PDLIM2: variants seen among roughly 807,000 people sequenced by gnomAD.
PDLIM2 encodes the protein PDZ and LIM domain 2, also known as PDZ and LIM domain protein 2.
PDLIM2 carries 51 observed loss-of-function variants against 54.1 expected under a neutral mutation model. The observed-to-expected ratio is 0.94, with a 90% CI of 0.75 to 1.19. The LOEUF (loss-of-function observed/expected upper bound fraction) is 1.19. PDLIM2 is among the 50% of genes most tolerant of loss of function. PDLIM2 has a pLI of 0.00. For missense variants in PDLIM2, 912 were observed against 874.0 expected (o/e 1.04, Z -0.55); for synonymous variants, 398 against 385.6 (o/e 1.03, Z -0.38).
downstream of PDLIM2, chr8:22,594,732 C>T (rs1800646546): frequency 6.6e-7 from 1 of 1,516,260 alleles, no homozygotes; most frequent in African/African-American, 1.4e-5. Context: ...CCTTCCACTT[C>T]TTTCCTGGGA....
In PDLIM2 at chr8:22,581,299, G is replaced by T. The variant is rs1408448102; in HGVS notation, c.844-80G>T. ...GCCGGCCTGGGTCAAGCCAGCCTCT[G>T]TGTTTCTTGGGTAGCAGAGTGGGAA... On this transcript the variant is annotated intron_variant, in intron 2 of 9. Coordinates refer to ENST00000308354, the Ensembl canonical transcript of PDLIM2. The T allele has an allele frequency of 2.6e-6, 4 of 1,516,996 alleles. No individual in the cohort carries two copies. In the African/African-American group the frequency reaches 5.5e-5, roughly 21 times the overall value. The allele number at this position is 1,516,996 out of a possible 1,614,324, so 94.0% of individuals were successfully genotyped here.
chr8:22,585,492 C>T (rs1451092420), intron 6 of PDLIM2, 93 bp downstream of exon 5: 3 of 1,271,252 alleles, frequency 2.4e-6, no homozygotes, highest in Non-Finnish European at 3.3e-6. Context: ...GCGGCCAGGC[C>T]CACCTGGGCA....
At chr8:22,584,702 C>G in intron 3 of PDLIM2, 119 bp from the exon 3 acceptor site, 1 of 932,816 alleles carries the variant, frequency 1.1e-6, no homozygotes, top group Middle Eastern at 2.2e-4. Context: ...ACCGGATGTC[C>G]AAATTTTCTG....
exon 1 of PDLIM2, chr8:22,578,848 G>A: frequency 8.1e-7 from 1 of 1,234,608 alleles, no homozygotes; most frequent in Non-Finnish European, 1.0e-6. Flanking sequence ...CGTCTGCGAA[G>A]TGGGGCGCGG....
chr8:22,584,982 C>T lies in PDLIM2; in HGVS notation c.1066-35C>T, dbSNP rs373214635. 4.8e-4 allele frequency: 779 copies of T among 1,613,106 alleles called. 3 individuals are homozygous for T. Among genetic ancestry groups the T allele is most frequent in the Non-Finnish European group, 4.4e-5 (52 of 1,179,568 alleles). ...GGGCAGGGCGGCCTTGGCGGGGCAG[C>T]CCTGCCTTTCCTGACACAGTCACTC... On this transcript the variant is annotated intron_variant, in intron 4 of 9. Coordinates refer to ENST00000308354, the Ensembl canonical transcript of PDLIM2.
exon 8 of PDLIM2, chr8:22,589,686 C>A: frequency 6.3e-7 from 1 of 1,575,392 alleles, no homozygotes; most frequent in Non-Finnish European, 8.6e-7. Flanking sequence ...GGGCGGCCCC[C>A]CGACAGTCCA....
chr8:22,580,936 C>T, intron 2 of PDLIM2: 1 of 686,258 alleles, frequency 1.5e-6, no homozygotes, highest in East Asian at 2.9e-5. Flanking sequence ...CTCTTGCCTC[C>T]CCAGTTGCTA....
intron 2 of PDLIM2, chr8:22,580,959 C>G (rs956845570): frequency 1.5e-6 from 1 of 673,098 alleles, no homozygotes; most frequent in African/African-American, 1.8e-5. Context: ...CCCACACTTG[C>G]AGGCAGCCAT....
At chr8:22,585,918 A>C (rs918632993) in intron 6 of PDLIM2, among the ~76,000 whole-genome samples, 1 of 146,474 alleles carries the variant, frequency 6.8e-6, no homozygotes, top group South Asian at 2.2e-4. Context: ...TCCTCCCCCT[A>C]CCCCCGCCAG....
Position 22,589,389 on chromosome 8 carries a change from CG to C in PDLIM2, c.1367+17del, listed in dbSNP as rs907497988. On this transcript the variant is annotated intron_variant, in intron 7 of 9. Coordinates refer to ENST00000308354, the Ensembl canonical transcript of PDLIM2. ...TCCAGGCCCAGGTACCAGCAGGCCCCGGAGGGTCGGGTTGGGGTCTTGGAAG... is the reference window on the plus strand; with the variant it reads ...TCCAGGCCCAGGTACCAGCAGGCCCCGAGGGTCGGGTTGGGGTCTTGGAAG... 3.5e-5 allele frequency: 53 copies of C among 1,535,964 alleles called. No individual in the cohort carries two copies. The highest frequency in any genetic ancestry group is 4.6e-5 in the Non-Finnish European group (53 of 1,146,010).
chr8:22,584,931 C>G (rs1800328045), intron 4 of PDLIM2, 41 bp downstream of exon 3: 1 of 1,613,718 alleles, frequency 6.2e-7, no homozygotes, highest in Admixed American at 1.7e-5. Context: ...GCACCCTGAT[C>G]ACTGGTGCAT....
intron 2 of PDLIM2, 96 bp downstream of exon 1, chr8:22,580,793 C>G (rs1488751944): frequency 1.2e-4 from 166 of 1,339,888 alleles, no homozygotes; most frequent in Non-Finnish European, 5.9e-5. Flanking sequence ...TTTTTCTGTT[C>G]TGGAGCTAGG....
chr8:22,580,898 A>T, intron 2 of PDLIM2: 1 of 722,762 alleles, frequency 1.4e-6, no homozygotes, highest in Non-Finnish European at 2.5e-6. Flanking sequence ...TTGGGAGTGA[A>T]AGGGAGCTGG....
downstream of PDLIM2, chr8:22,594,522 T>A (rs758428828): frequency 6.8e-5 from 110 of 1,613,744 alleles, no homozygotes; most frequent in Non-Finnish European, 9.2e-5. Flanking sequence ...AAGATGCCCG[T>A]TTTACAGGAG....
At position 22,589,660 on chromosome 8, in the gene PDLIM2, GA is replaced by G; in HGVS notation, c.1436del (p.Asn479IlefsTer37). 2 of 1,586,704 alleles carry G rather than the reference GA, an allele frequency of 1.3e-6. No individual in the cohort carries two copies. The highest frequency in any genetic ancestry group is 2.3e-5 in the East Asian group (1 of 43,602). ...CTCGGAAGTCTTCAAGATGCTGCAGGAAAATCGCGAGGGACGGGCGGCCCCC... is the reference window on the plus strand; with the variant it reads ...CTCGGAAGTCTTCAAGATGCTGCAGGAAATCGCGAGGGACGGGCGGCCCCC... On this transcript the variant is annotated frameshift_variant, in exon 8 of 10. Transcript: ENST00000308354. LOFTEE classifies it high-confidence loss of function.
At chr8:22,585,353 C>A in exon 6 of PDLIM2, 10 of 1,612,696 alleles carry the variant, frequency 6.2e-6, no homozygotes, top group Non-Finnish European at 8.5e-6. Flanking sequence ...CCGGGCCTCC[C>A]CGCTGCTGAC....
chr8:22,595,435 G>T (rs1004726426), downstream of PDLIM2: 1 of 152,234 alleles, frequency 6.6e-6, no homozygotes, highest in African/African-American at 2.4e-5. Flanking sequence ...CATTCACGGG[G>T]CAACACTGGG....
intron 6 of PDLIM2, 142 bp from the exon 6 acceptor site, chr8:22,589,156 A>T: frequency 2.7e-6 from 2 of 752,546 alleles, no homozygotes; most frequent in South Asian, 3.3e-5. Flanking sequence ...CTTGGCTCCA[A>T]GGGAAGGGGC....
In PDLIM2 at chr8:22,580,982, C is replaced by G. The variant is rs750999636; in HGVS notation, c.843+285C>G. The G allele has an allele frequency of 1.1e-5, 7 of 663,332 alleles. No homozygotes were observed. The South Asian group carries it at 1.1e-4, about 10-fold the overall frequency. 41.1% of individuals were successfully genotyped at this position (663,332 alleles called of 1,614,324 possible). A position where few individuals can be genotyped will look rare whatever the true frequency, so the allele number is the denominator to read the frequency against. On this transcript the variant is annotated intron_variant, in intron 2 of 9. Transcript: ENST00000308354. ...TGCAGGCAGCCATTTGGGGTGATTA[C>G]TAGAACAAGAGCCCCGGAGTTCTTG...
Sources: allele counts gnomAD v4.1 joint callset (sites outside exome capture counted in the v4.1 genomes callset), GRCh38; gene constraint gnomAD v4.1.1; transcripts MANE v1.5; gene names NCBI Gene and HGNC (gene_info 2026-07-23, HGNC 2026-07-21).